Variants in KANK1 observed in about 807,000 individuals in gnomAD.
KANK1 encodes the protein KN motif and ankyrin repeat domains 1.
KANK1 carries 109 observed loss-of-function variants against 106.2 expected under a neutral mutation model. The ratio of observed to expected loss-of-function variants is 1.03; its 90% CI spans 0.88 to 1.20. The LOEUF (loss-of-function observed/expected upper bound fraction) is 1.20. KANK1 is among the 50% of genes most tolerant of loss of function. The probability of loss-of-function intolerance (pLI) is 0.00; values close to 1 mark genes in which losing one functional copy is unlikely to be tolerated. For missense variants in KANK1, 2,399 were observed against 1,710.7 expected (o/e 1.40, Z -7.10); for synonymous variants, 873 against 652.2 (o/e 1.34, Z -5.16).
chr9:711,743 C>A lies in KANK1; in HGVS notation c.977C>A (p.Ala326Glu), dbSNP rs765344155. The change falls in exon 3 of 12, where the codon GCG becomes GAG. Residue 326 changes from alanine (A) to glutamate (E), a missense_variant. By Grantham distance (107) the Ala-to-Glu change is moderately radical. Coordinates refer to ENST00000382297, the MANE Select transcript of KANK1 (RefSeq NM_015158.5). ...VCGVRKRSYSAGNASQLEQLS... is the reference protein window; with the variant it reads ...VCGVRKRSYSEGNASQLEQLS... ...GGTGTGAGGAAGCGGTCCTATAGTG[C>A]GGGGAACGCCTCCCAGCTGGAACAG... is the stretch of plus-strand genomic sequence containing the variant. 6.2e-7 allele frequency: 1 copy of A among 1,614,168 alleles called. No individual in the cohort carries two copies.
intron 1 of KANK1, among the ~76,000 whole-genome samples, chr9:562,449 A>G (rs936862684): frequency 2.6e-5 from 4 of 152,336 alleles, no homozygotes; most frequent in East Asian, 1.9e-4. Context: ...TCATGTTCCC[A>G]GTAAAGAGCT....
At chr9:699,536 G>A (rs937496877) in intron 2 of KANK1, among the ~76,000 whole-genome samples, 1 of 152,168 alleles carries the variant, frequency 6.6e-6, no homozygotes. Context: ...AAGATTATCT[G>A]TGAGAGGAAA....
chr9:704,239 T>C (rs1412839817), intron 2 of KANK1, among the ~76,000 whole-genome samples: 3 of 152,152 alleles, frequency 2.0e-5, no homozygotes, highest in African/African-American at 7.2e-5. Context: ...CCTTTATATC[T>C]TTTTCACTTA....
At chr9:524,598 A>T (rs1347133435) in intron 1 of KANK1, among the ~76,000 whole-genome samples, 1 of 151,456 alleles carries the variant, frequency 6.6e-6, no homozygotes, top group Non-Finnish European at 1.5e-5. Context: ...GCTCACTGCA[A>T]CCTCCGCCTC....
intron 9 of KANK1, among the ~76,000 whole-genome samples, chr9:741,681 G>C (rs1835595669): frequency 1.3e-5 from 2 of 151,936 alleles, no homozygotes; most frequent in African/African-American, 4.8e-5. Flanking sequence ...TAGAGACAAG[G>C]TTTCACCGTG....
At position 580,735 on chromosome 9, in the gene KANK1, G is replaced by A. The variant is rs568323528; in HGVS notation, c.-84+75981G>A. Among the ~76,000 whole-genome samples the A allele has an allele frequency of 2.6e-4, 39 of 152,386 alleles. No individual in the cohort carries two copies. In the South Asian group the frequency reaches 7.9e-3, roughly 31 times the overall value. On this transcript the variant is annotated intron_variant, in intron 1 of 11. Coordinates refer to ENST00000382297, the MANE Select transcript of KANK1 (RefSeq NM_015158.5). ...TAGTGGATCCCGCACTGGGGCCGCAGGCGGAGCTGCCTGCCAGTCCCGCGC... is the reference window on the plus strand; with the variant it reads ...TAGTGGATCCCGCACTGGGGCCGCAAGCGGAGCTGCCTGCCAGTCCCGCGC...
At chr9:610,135 C>G (rs935381280) in intron 1 of KANK1, among the ~76,000 whole-genome samples, 7 of 152,120 alleles carry the variant, frequency 4.6e-5, no homozygotes, top group African/African-American at 1.7e-4. Context: ...GTGAAATCTT[C>G]AGGCCATAAT....
intron 2 of KANK1, among the ~76,000 whole-genome samples, chr9:680,528 C>T (rs571889923): frequency 7.2e-4 from 109 of 152,284 alleles, no homozygotes; most frequent in Non-Finnish European, 1.2e-3. Context: ...GTACACACTA[C>T]TTAGCTTAAG....
At chr9:589,220 T>C (rs985811832) in intron 1 of KANK1, among the ~76,000 whole-genome samples, 5 of 152,114 alleles carry the variant, frequency 3.3e-5, no homozygotes, top group African/African-American at 1.2e-4. Context: ...GCGGGTATTA[T>C]TAATCTCATC....
At chr9:631,161 TC>T (rs892113182) in intron 1 of KANK1, among the ~76,000 whole-genome samples, 1 of 152,122 alleles carries the variant, frequency 6.6e-6, no homozygotes, top group Non-Finnish European at 1.5e-5. Context: ...ATTTCCTTAC[TC>T]CTTTGCCTTT....
chr9:545,832 G>C (rs2060898393), intron 1 of KANK1, among the ~76,000 whole-genome samples: 1 of 147,852 alleles, frequency 6.8e-6, no homozygotes, highest in Non-Finnish European at 1.5e-5. Flanking sequence ...TGCAACCTCT[G>C]CCTCACGGGT....
chr9:665,076 G>C (rs913647106), intron 1 of KANK1, among the ~76,000 whole-genome samples: 1 of 152,242 alleles, frequency 6.6e-6, no homozygotes, highest in East Asian at 1.9e-4. Context: ...TATCTTGTCA[G>C]ATGGGTAGTT....
At chr9:535,158 G>A (rs2060239306) in intron 1 of KANK1, among the ~76,000 whole-genome samples, 1 of 152,150 alleles carries the variant, frequency 6.6e-6, no homozygotes, top group Admixed American at 6.5e-5. Context: ...AAACAACGCA[G>A]CCTCCTTTTT....
chr9:715,677 A>T (rs979665304), intron 3 of KANK1, among the ~76,000 whole-genome samples: 12 of 152,224 alleles, frequency 7.9e-5, no homozygotes, highest in African/African-American at 2.9e-4. Context: ...AAAACAATAA[A>T]TATTTTTAAC....
At chr9:611,309 A>G (rs140562842) in intron 1 of KANK1, among the ~76,000 whole-genome samples, 1 of 152,240 alleles carries the variant, frequency 6.6e-6, no homozygotes, top group South Asian at 2.1e-4. Context: ...CCACGGGGCC[A>G]GTTCCTCACC....
At chr9:566,795 G>A (rs1817921073) in intron 1 of KANK1, among the ~76,000 whole-genome samples, 2 of 152,106 alleles carry the variant, frequency 1.3e-5, no homozygotes, top group East Asian at 1.9e-4. Flanking sequence ...CTCCCATTCT[G>A]TAGGTTGTCT....
At chr9:579,188 A>G (rs1331486761) in intron 1 of KANK1, among the ~76,000 whole-genome samples, 6 of 152,130 alleles carry the variant, frequency 3.9e-5, no homozygotes, top group African/African-American at 1.4e-4. Context: ...CCCTCCACGT[A>G]GCCTTCCCCG....
chr9:581,156 C>T (rs1263852370), intron 1 of KANK1, among the ~76,000 whole-genome samples: 1 of 152,158 alleles, frequency 6.6e-6, no homozygotes, highest in African/African-American at 2.4e-5. Flanking sequence ...CACGGCTTTC[C>T]CTCCACATCT....
intron 1 of KANK1, among the ~76,000 whole-genome samples, chr9:603,789 G>T (rs546423500): frequency 6.6e-6 from 1 of 150,848 alleles, no homozygotes; most frequent in Non-Finnish European, 1.5e-5. Context: ...AACCCACCCC[G>T]TCTCTACTAA....
Sources: allele counts gnomAD v4.1 joint callset (sites outside exome capture counted in the v4.1 genomes callset), GRCh38; gene constraint gnomAD v4.1.1; transcripts MANE v1.5; gene names NCBI Gene and HGNC (gene_info 2026-07-23, HGNC 2026-07-21).